KIAA2012: variants seen among roughly 807,000 people sequenced by gnomAD.
KIAA2012 encodes the protein KIAA2012.
In KIAA2012, 125 loss-of-function variants were observed where a neutral mutation model predicts 150.6. That is an observed-to-expected ratio of 0.83 (90% CI 0.72 to 0.96). The LOEUF is 0.96. KIAA2012 is among the 40% of genes least tolerant of loss of function. The pLI is 0.00. For missense variants in KIAA2012, 1,219 were observed against 1,354.9 expected, an observed-to-expected ratio of 0.90 and a Z score of 1.57; for synonymous variants, 462 against 504.7, an observed-to-expected ratio of 0.92 and a Z score of 1.13.
At chr2:202,112,147 G>A (rs1203534234) in intron 10 of KIAA2012, among the ~76,000 whole-genome samples, 1 of 152,148 alleles carries the variant, frequency 6.6e-6, no homozygotes, top group Non-Finnish European at 1.5e-5. Context: ...AGGCCCCTAG[G>A]TAGCCTCATG....
At chr2:202,109,581 C>T in intron 9 of KIAA2012, 32 bp from the exon 10 acceptor site, 2 of 1,488,440 alleles carry the variant, frequency 1.3e-6, no homozygotes, top group Non-Finnish European at 1.8e-6. Flanking sequence ...TCTGTTTTCT[C>T]ACACAGGCTT....
In KIAA2012 at chr2:202,190,402, C is replaced by T. The variant is rs1186289789; in HGVS notation, c.2720C>T (p.Ser907Phe). Residue 907 changes from serine to phenylalanine, a missense_variant, in exon 19 of 24, where the codon TCT (serine) becomes TTT (phenylalanine). Physicochemically the swap from Ser to Phe is radical, Grantham distance 155. Transcript: ENST00000498697. ...TATGATGCCCAGGAAAGCCAAGTTTCTCTAGATGGAAGATCATCACCCTCT... is the reference window on the plus strand; with the variant it reads ...TATGATGCCCAGGAAAGCCAAGTTTTTCTAGATGGAAGATCATCACCCTCT... ...PKYDAQESQVSLDGRSSPSQI... is the reference protein window; with the variant it reads ...PKYDAQESQVFLDGRSSPSQI... The T allele has an allele frequency of 1.3e-6, 2 of 1,550,594 alleles. No homozygotes were observed. The highest frequency in any genetic ancestry group is 2.7e-5 in the African/African-American group (2 of 73,012).
chr2:202,084,330 GC>G (rs1442145576), intron 2 of KIAA2012, among the ~76,000 whole-genome samples: 13 of 152,124 alleles, frequency 8.5e-5, no homozygotes, highest in African/African-American at 2.7e-4. Flanking sequence ...ACCTTCAGTG[GC>G]CAGCACTAGA....
intron 21 of KIAA2012, among the ~76,000 whole-genome samples, chr2:202,195,416 G>A (rs1224585202): frequency 2.0e-5 from 3 of 151,954 alleles, no homozygotes; most frequent in Admixed American, 6.6e-5. Context: ...TACTTCTTGG[G>A]AGGCTGAGGC....
chr2:202,188,688 G>A (rs1692274895), intron 18 of KIAA2012, among the ~76,000 whole-genome samples: 1 of 152,138 alleles, frequency 6.6e-6, no homozygotes, highest in African/African-American at 2.4e-5. Context: ...GGTAGACCCA[G>A]GGCTTGTCCT....
intron 11 of KIAA2012, chr2:202,116,739 C>G (rs1310568642): frequency 6.6e-6 from 1 of 152,206 alleles, no homozygotes; most frequent in African/African-American, 2.4e-5. Flanking sequence ...GAGAAACTAA[C>G]TCTTCTCCCC....
At chr2:202,191,509 C>T (rs1057148781) in intron 19 of KIAA2012, among the ~76,000 whole-genome samples, 2 of 150,534 alleles carry the variant, frequency 1.3e-5, no homozygotes, top group African/African-American at 4.9e-5. Context: ...TATGCCACTA[C>T]ACTCCAGCCT....
At chr2:202,073,751 G>A in intron 1 of KIAA2012, 40 bp downstream of exon 1, 1 of 1,513,704 alleles carries the variant, frequency 6.6e-7, no homozygotes, top group Non-Finnish European at 9.0e-7. Context: ...TTTGGAGGTG[G>A]GAGAGGAATG....
intron 13 of KIAA2012, among the ~76,000 whole-genome samples, chr2:202,139,487 C>T (rs4265997): frequency 0.65 from 98,039 of 151,906 alleles, 31,819 homozygotes; most frequent in Admixed American, 0.69. Context: ...ATGATCTTGA[C>T]TTCTCCATTC....
In KIAA2012 at chr2:202,125,228, A is replaced by C. The variant is rs1690754188; in HGVS notation, c.1777A>C (p.Asn593His). 4.5e-6 allele frequency: 7 copies of C among 1,550,190 alleles called. No homozygotes were observed. Among genetic ancestry groups the C allele is most frequent in the Non-Finnish European group, 6.1e-6 (7 of 1,146,658 alleles). Residue 593 changes from asparagine to histidine, a missense_variant, in exon 12 of 24, where the codon AAT becomes CAT. Transcript: ENST00000498697. Reference protein sequence around the residue: ...LPSGKAYESVNSNISHEEEGP... With the variant: ...LPSGKAYESVHSNISHEEEGP... ...CTGTTTTTCAGCCTATGAATCTGTC[A>C]ATTCAAATATCAGCCATGAAGAGGA...
In KIAA2012 at chr2:202,188,138, T is replaced by A; in HGVS notation, c.2377-14T>A. On this transcript the variant is annotated splice_polypyrimidine_tract_variant and intron_variant, in intron 17 of 23. Transcript: ENST00000498697. Reference sequence around the variant, plus strand: ...TACATATTATGGTCCCCTTCCTTGATTTTTCACCTTTAGGAGAGGGATTTG... The same window carrying A: ...TACATATTATGGTCCCCTTCCTTGAATTTTCACCTTTAGGAGAGGGATTTG... The A allele has an allele frequency of 6.5e-7, 1 of 1,544,802 alleles. No homozygotes were observed. Among genetic ancestry groups the A allele is most frequent in the Non-Finnish European group, 8.7e-7 (1 of 1,143,696 alleles).
intron 8 of KIAA2012, among the ~76,000 whole-genome samples, 193 bp from the exon 9 acceptor site, chr2:202,105,568 T>A (rs1690164094): frequency 6.6e-6 from 1 of 152,072 alleles, no homozygotes; most frequent in African/African-American, 2.4e-5. Context: ...CCGGAACCAA[T>A]CTCTGTGGCT....
At chr2:202,186,050 G>A (rs1363294813) in intron 16 of KIAA2012, among the ~76,000 whole-genome samples, 3 of 152,206 alleles carry the variant, frequency 2.0e-5, no homozygotes, top group Non-Finnish European at 4.4e-5. Flanking sequence ...CAGGCACACA[G>A]TAACTGATAT....
At chr2:202,121,599 G>A (rs771518128) in intron 11 of KIAA2012, among the ~76,000 whole-genome samples, 12 of 152,094 alleles carry the variant, frequency 7.9e-5, no homozygotes, top group Non-Finnish European at 1.6e-4. Context: ...TTATCCCAAC[G>A]ATCCTAGGAA....
chr2:202,132,975 G>A (rs1212943747), intron 12 of KIAA2012, among the ~76,000 whole-genome samples: 1 of 142,344 alleles, frequency 7.0e-6, no homozygotes, highest in African/African-American at 2.6e-5. Flanking sequence ...TGAGGTGGCA[G>A]GTGCCTGTAG....
chr2:202,085,182 A>G (rs569579804), intron 2 of KIAA2012, among the ~76,000 whole-genome samples: 2 of 152,342 alleles, frequency 1.3e-5, no homozygotes, highest in African/African-American at 4.8e-5. Flanking sequence ...AAGTTATTAA[A>G]AGAAACCAGG....
chr2:202,140,443 C>T lies in KIAA2012; in HGVS notation c.1908+1935C>T, dbSNP rs537786286. Among the ~76,000 whole-genome samples the T allele has an allele frequency of 5.9e-5, 9 of 152,176 alleles. No individual in the cohort carries two copies. In the East Asian group the frequency reaches 1.7e-3, roughly 29 times the overall value. ...CTCCCACCAGAACCCATTGGTTTGT[C>T]CAAGTCGCAGTAGTCCCAATTCCTT... On this transcript the variant is annotated intron_variant, in intron 13 of 23. Transcript: ENST00000498697.
At chr2:202,134,102 G>T (rs1249671836) in intron 12 of KIAA2012, among the ~76,000 whole-genome samples, 2 of 152,146 alleles carry the variant, frequency 1.3e-5, no homozygotes, top group Non-Finnish European at 2.9e-5. Flanking sequence ...TTCCTGCTGG[G>T]GCCAGCAAGT....
At chr2:202,141,685 T>C (rs1691200101) in intron 13 of KIAA2012, among the ~76,000 whole-genome samples, 1 of 152,174 alleles carries the variant, frequency 6.6e-6, no homozygotes, top group African/African-American at 2.4e-5. Flanking sequence ...TTCTGCCTCG[T>C]GGCTCCTCCT....
Sources: allele counts gnomAD v4.1 joint callset (sites outside exome capture counted in the v4.1 genomes callset), GRCh38; gene constraint gnomAD v4.1.1; transcripts MANE v1.5; gene names NCBI Gene and HGNC (gene_info 2026-07-23, HGNC 2026-07-21).